RARS1: variants seen among roughly 807,000 people sequenced by gnomAD.
RARS1 encodes the protein arginyl-tRNA synthetase 1, also known as arginine--tRNA ligase, cytoplasmic.
In RARS1, 75 loss-of-function variants were observed where a neutral mutation model predicts 78.7. The observed-to-expected ratio is 0.95, with a 90% CI of 0.79 to 1.15. The LOEUF is 1.15. Among genes scored for constraint, RARS1 ranks in the 50% most tolerant of loss-of-function variants. RARS1 has a pLI of 0.00. For synonymous variants in RARS1, 273 were observed against 268.2 expected (o/e 1.02, Z -0.18); for missense variants, 787 against 787.5 (o/e 1.00, Z 0.01).
intron 14 of RARS1, among the ~76,000 whole-genome samples, chr5:168,518,860 T>C (rs1157763161): frequency 6.6e-6 from 1 of 152,206 alleles, no homozygotes; most frequent in Non-Finnish European, 1.5e-5. Flanking sequence ...AGACCTTATA[T>C]CTCTTAATAG....
rs757934261 is a variant in RARS1 at position 168,486,524 on chromosome 5, C to T, written c.26C>T (p.Ser9Phe). MDVLVSEC[S>F]ARLLQQEEEI... ...ATGGACGTACTGGTGTCTGAGTGCT[C>T]CGCGCGGCTGCTGCAGCAGGTTTGG... The change falls in exon 1 of 15, where the codon TCC (serine) becomes TTC (phenylalanine). Residue 9 changes from serine (S) to phenylalanine (F), a missense_variant. Ser to Phe is a radical substitution (Grantham distance 155). Transcript: ENST00000231572. The T allele has an allele frequency of 2.4e-5, 37 of 1,558,916 alleles. 1 individual carries two copies. In the South Asian group the frequency reaches 4.1e-4, roughly 17 times the overall value.
intron 9 of RARS1, 107 bp downstream of exon 9, chr5:168,502,212 A>G: frequency 1.4e-6 from 2 of 1,454,554 alleles, no homozygotes; most frequent in South Asian, 3.0e-5. Flanking sequence ...TCCAATTTCA[A>G]CAGTTATGGG....
chr5:168,499,772 G>T (rs1353748722), intron 7 of RARS1, among the ~76,000 whole-genome samples: 2 of 151,872 alleles, frequency 1.3e-5, no homozygotes, highest in Non-Finnish European at 2.9e-5. Flanking sequence ...GAAATATCTA[G>T]ATTTGTTCAT....
intron 11 of RARS1, 130 bp downstream of exon 11, chr5:168,506,961 C>T: frequency 1.4e-6 from 1 of 700,328 alleles, no homozygotes; most frequent in South Asian, 2.0e-5. Context: ...ATGGTGTAAA[C>T]CCAGCTGAGT....
Position 168,518,005 on chromosome 5 carries a change from A to T in RARS1, c.1816A>T (p.Thr606Ser), listed in dbSNP as rs773197957. The change falls in exon 14 of 15, where the codon ACT becomes TCT. Residue 606 changes from threonine (T) to serine (S), a missense_variant. Coordinates refer to ENST00000231572, the MANE Select transcript of RARS1 (RefSeq NM_002887.4). ...CTGTGATTATATATATGAGCTGGCA[A>T]CTGCTTTCACAGAGTTCTATGATAG... is the stretch of plus-strand genomic sequence containing the variant. Reference protein sequence around the residue: ...TLCDYIYELATAFTEFYDSCY... With the variant: ...TLCDYIYELASAFTEFYDSCY... 8.1e-5 allele frequency: 129 copies of T among 1,592,760 alleles called. No individual in the cohort carries two copies. Among genetic ancestry groups the T allele is most frequent in the Non-Finnish European group, 1.1e-4 (124 of 1,169,954 alleles).
chr5:168,500,401 G>T (rs544691830), intron 7 of RARS1, among the ~76,000 whole-genome samples, 190 bp from the exon 8 acceptor site: 2 of 152,130 alleles, frequency 1.3e-5, no homozygotes, highest in South Asian at 2.1e-4. Context: ...TTTTTTAAGA[G>T]AAATGATTTC....
intron 2 of RARS1, among the ~76,000 whole-genome samples, chr5:168,490,275 A>G (rs1487562495): frequency 6.6e-6 from 1 of 152,164 alleles, no homozygotes; most frequent in Non-Finnish European, 1.5e-5. Flanking sequence ...TTCTACACTT[A>G]TATATGTTTA....
chr5:168,495,425 T>G lies in RARS1; in HGVS notation c.690T>G (p.Tyr230Ter). The change falls in exon 6 of 15, where the codon TAT becomes TAG. Residue 230 changes from tyrosine (Y) to a stop codon, truncating the protein, a stop_gained. Transcript: ENST00000231572. LOFTEE classifies it high-confidence loss of function. ...SISRLFEFAG[Y>*]DVLRLNHVGD... The stretch of plus-strand genomic sequence containing the variant: ...GCCGCCTCTTTGAATTTGCAGGGTA[T>G]GACGTGCTCAGGTATGTGCTCTTGC... 3 of 1,613,732 alleles carry G rather than the reference T, an allele frequency of 1.9e-6. No homozygotes were observed. The highest frequency in any genetic ancestry group is 2.5e-6 in the Non-Finnish European group (3 of 1,179,746).
Position 168,492,825 on chromosome 5 carries a change from A to G in RARS1, c.347A>G (p.Asn116Ser). The G allele has an allele frequency of 1.2e-6, 2 of 1,612,216 alleles. No homozygotes were observed. Among genetic ancestry groups the G allele is most frequent in the East Asian group, 2.2e-5 (1 of 44,854 alleles). ...GCCAAGTTTGGGGACTATCAGTGTA[A>G]TAGTGCTATGGGTATTTCTCAGGTG... ...QQAKFGDYQC[N>S]SAMGISQMLK... The change falls in exon 3 of 15, where the codon AAT becomes AGT. Residue 116 changes from asparagine (N) to serine (S), a missense_variant. Transcript: ENST00000231572.
rs1359234820 is a variant in RARS1 at position 168,517,814 on chromosome 5, G to C, written c.1626-1G>C. ...CTGATGATTTTTTTGTTTTTTTTAA[G>C]GTCTATTGCACGTCTGGCCAATATT... is the stretch of plus-strand genomic sequence containing the variant. On this transcript the variant is annotated splice_acceptor_variant, in intron 13 of 14. Transcript: ENST00000231572. LOFTEE classifies it high-confidence loss of function. 2 of 1,601,200 alleles carry C rather than the reference G, an allele frequency of 1.2e-6. No homozygotes were observed. The highest frequency in any genetic ancestry group is 4.5e-5 in the East Asian group (2 of 44,344).
At chr5:168,486,897 A>G (rs142565576) in intron 1 of RARS1, among the ~76,000 whole-genome samples, 1 of 152,080 alleles carries the variant, frequency 6.6e-6, no homozygotes, top group Non-Finnish European at 1.5e-5. Context: ...GGAGATAGAC[A>G]AGGGGGGAAT....
At chr5:168,498,023 T>C (rs1758234585) in intron 7 of RARS1, 1 of 151,876 alleles carries the variant, frequency 6.6e-6, no homozygotes, top group Non-Finnish European at 1.5e-5. Flanking sequence ...AGTTCAGGAG[T>C]TGGAGACCAG....
Position 168,492,802 on chromosome 5 carries a change from C to T in RARS1, c.324C>T (p.Ala108=), listed in dbSNP as rs1161568329. The T allele has an allele frequency of 1.9e-6, 3 of 1,613,712 alleles. No homozygotes were observed. Among genetic ancestry groups the T allele is most frequent in the Non-Finnish European group, 2.5e-6 (3 of 1,179,734 alleles). ...PPLLVTPSQQ[A]KFGDYQCNSA... is the part of the protein sequence containing the mutation. Reference sequence around the variant, plus strand: ...TGCTAGTGACACCAAGTCAGCAGGCCAAGTTTGGGGACTATCAGTGTAATA... The same window carrying T: ...TGCTAGTGACACCAAGTCAGCAGGCTAAGTTTGGGGACTATCAGTGTAATA... The change falls in exon 3 of 15, where the codon GCC becomes GCT. Residue 108 remains alanine, a synonymous_variant. Transcript: ENST00000231572.
At chr5:168,514,956 A>G (rs527260692) in intron 12 of RARS1, among the ~76,000 whole-genome samples, 112 of 152,238 alleles carry the variant, frequency 7.4e-4, no homozygotes, top group Non-Finnish European at 1.3e-3. Context: ...TTCTGTTTCC[A>G]GGTTATACAG....
chr5:168,486,621 G>A, intron 1 of RARS1, 78 bp downstream of exon 1: 2 of 1,473,536 alleles, frequency 1.4e-6, no homozygotes, highest in Non-Finnish European at 9.2e-7. Context: ...GGCTTCGGGG[G>A]CGGGACAGCT....
In RARS1 at chr5:168,500,582, T is replaced by G. The variant is rs748361590; in HGVS notation, c.823-9T>G. The G allele has an allele frequency of 6.8e-7, 1 of 1,478,082 alleles. No homozygotes were observed. Among genetic ancestry groups the G allele is most frequent in the Non-Finnish European group, 8.9e-7 (1 of 1,121,272 alleles). The allele number at this position is 1,478,082 out of a possible 1,614,324, so 91.6% of individuals were successfully genotyped here. A position where few individuals can be genotyped will look rare whatever the true frequency, so the allele number is the denominator to read the frequency against. On this transcript the variant is annotated splice_polypyrimidine_tract_variant and intron_variant, in intron 7 of 14. Transcript: ENST00000231572. Reference sequence around the variant, plus strand: ...CACACCTTACTTTTTAAAATATATATATATACAGGAATCTAAGAAGAGGTT... The same window carrying G: ...CACACCTTACTTTTTAAAATATATAGATATACAGGAATCTAAGAAGAGGTT...
In RARS1 at chr5:168,519,178, C is replaced by T; in HGVS notation, c.1971C>T (p.Val657=). Residue 657 remains valine (V), a synonymous_variant, in exon 15 of 15, where the codon GTC becomes GTT. Coordinates refer to ENST00000231572, the MANE Select transcript of RARS1 (RefSeq NM_002887.4). ...TTGATATCCTGGGAATAAAACCTGT[C>T]CAAAGGATGTAATCCTTCATAGGTT... is the stretch of plus-strand genomic sequence containing the variant. ...KGFDILGIKP[V]QRM The T allele has an allele frequency of 6.2e-7, 1 of 1,611,986 alleles. No homozygotes were observed.
intron 14 of RARS1, 94 bp from the exon 15 acceptor site, chr5:168,518,987 C>G: frequency 9.7e-7 from 1 of 1,033,024 alleles, no homozygotes; most frequent in African/African-American, 1.6e-5. Flanking sequence ...GGACTATGCA[C>G]TTCTAACTAA....
chr5:168,490,107 C>T (rs1377325798), intron 2 of RARS1, among the ~76,000 whole-genome samples: 2 of 152,176 alleles, frequency 1.3e-5, no homozygotes, highest in Admixed American at 6.5e-5. Context: ...AGCCACCGTG[C>T]CCGGTGTCCA....
Sources: gnomAD v4.1 joint callset for allele counts (sites outside exome capture counted in the v4.1 genomes callset) on GRCh38, gnomAD v4.1.1 for gene constraint, MANE v1.5 for transcripts, NCBI Gene and HGNC (gene_info 2026-07-23, HGNC 2026-07-21) for gene names.